Variants in UGT1A8 observed in about 807,000 individuals in gnomAD.
UGT1A8 encodes UDP-glucuronosyltransferase 1A8.
UGT1A8 carries 39 observed loss-of-function variants against 45.3 expected under a neutral mutation model. That is an observed-to-expected ratio of 0.86 (90% confidence interval 0.67 to 1.12). UGT1A8 has a LOEUF of 1.12. Ranked by LOEUF, UGT1A8 falls within the 50% of genes most tolerant of loss-of-function variation. UGT1A8 has a pLI of 0.00. For synonymous variants in UGT1A8, 275 were observed against 249.2 expected, an observed-to-expected ratio of 1.10 and a Z score of -0.97; for missense variants, 719 against 664.9, an observed-to-expected ratio of 1.08 and a Z score of -0.90.
intron 1 of UGT1A8, among the ~76,000 whole-genome samples, chr2:233,625,287 C>A (rs1002567225): frequency 1.3e-5 from 2 of 151,980 alleles, no homozygotes; most frequent in African/African-American, 4.8e-5. Context: ...AGTCAAGAAA[C>A]AATAGATGCT....
At chr2:233,754,354 C>G in intron 1 of UGT1A8, 1 of 263,180 alleles carries the variant, frequency 3.8e-6, no homozygotes, top group Admixed American at 5.0e-5. Flanking sequence ...AAATTGCATA[C>G]AGATATTTAC....
chr2:233,719,647 T>A, intron 1 of UGT1A8: 2 of 1,614,094 alleles, frequency 1.2e-6, no homozygotes, highest in South Asian at 2.2e-5. Flanking sequence ...ATGGTCTTCA[T>A]TGGGGGCATC....
chr2:233,646,560 A>G (rs1168445362), intron 1 of UGT1A8, among the ~76,000 whole-genome samples: 6 of 152,154 alleles, frequency 3.9e-5, no homozygotes, highest in Admixed American at 3.3e-4. Context: ...ACCCTAAATC[A>G]TCTTTCTAAG....
At chr2:233,718,777 C>T (rs1347368179) in intron 1 of UGT1A8, 10 of 1,612,914 alleles carry the variant, frequency 6.2e-6, no homozygotes, top group Non-Finnish European at 8.5e-6. Context: ...ATGTAGCAGG[C>T]ACAGCGTGGG....
intron 1 of UGT1A8, among the ~76,000 whole-genome samples, chr2:233,730,506 A>G (rs2078042097): frequency 6.6e-6 from 1 of 152,128 alleles, no homozygotes; most frequent in Non-Finnish European, 1.5e-5. Flanking sequence ...AGAGAGGTTG[A>G]CTCAGTGGAA....
chr2:233,762,200 T>G (rs1698000508), intron 1 of UGT1A8, among the ~76,000 whole-genome samples: 1 of 152,188 alleles, frequency 6.6e-6, no homozygotes, highest in African/African-American at 2.4e-5. Flanking sequence ...TGGGTCTGCA[T>G]GTATTTGGCG....
At chr2:233,729,301 G>A (rs2077833775) in intron 1 of UGT1A8, 3 of 1,614,148 alleles carry the variant, frequency 1.9e-6, no homozygotes, top group East Asian at 2.2e-5. Flanking sequence ...CCACCAGGCA[G>A]TGGTCCTCAC....
rs1575864217 is a variant in UGT1A8, at chr2:233,771,774, C to G, written c.1296-488C>G. On this transcript the variant is annotated intron_variant, in intron 4 of 4. Transcript: ENST00000373450. ...TCCCTTCCTTCCTCCGTCCCTCTCTCCTTTCCTCTCTCCCTCCCTCCCTCC... is the reference window on the plus strand; with the variant it reads ...TCCCTTCCTTCCTCCGTCCCTCTCTGCTTTCCTCTCTCCCTCCCTCCCTCC... Among the ~76,000 whole-genome samples the G allele has an allele frequency of 2.6e-5, 4 of 152,102 alleles. No individual in the cohort carries two copies. The South Asian group carries it at 8.4e-4, about 32-fold the overall frequency.
chr2:233,722,439 G>C (rs1180645142), intron 1 of UGT1A8, among the ~76,000 whole-genome samples: 1 of 152,066 alleles, frequency 6.6e-6, no homozygotes, highest in African/African-American at 2.4e-5. Context: ...TTATTTGATT[G>C]GTCTTCTCAA....
intron 1 of UGT1A8, among the ~76,000 whole-genome samples, chr2:233,735,934 C>T (rs2078711337): frequency 6.6e-6 from 1 of 152,038 alleles, no homozygotes; most frequent in South Asian, 2.1e-4. Context: ...TCTGTGGCTG[C>T]CCTTAACATT....
At chr2:233,753,552 A>G (rs1695233420) in intron 1 of UGT1A8, 1 of 152,146 alleles carries the variant, frequency 6.6e-6, no homozygotes, top group African/African-American at 2.4e-5. Context: ...CTCAGAGGTG[A>G]CCCTAGAAGA....
chr2:233,742,316 T>C lies in UGT1A8; in HGVS notation c.856-24718T>C, dbSNP rs962081179. On this transcript the variant is annotated intron_variant, in intron 1 of 4. Coordinates refer to ENST00000373450, the MANE Select transcript of UGT1A8 (RefSeq NM_019076.5). ...TTATAGATTAACTAAAAGTATTCCT[T>C]ACGGGAAACAAAGGGATGGGCTCTG... Among the ~76,000 whole-genome samples, 12 of 151,968 alleles carry C rather than the reference T, an allele frequency of 7.9e-5. 1 individual carries two copies. Among genetic ancestry groups the C allele is most frequent in the Admixed American group, 3.3e-4 (5 of 15,280 alleles).
chr2:233,643,269 T>G (rs1301760102), intron 1 of UGT1A8, among the ~76,000 whole-genome samples: 1 of 152,170 alleles, frequency 6.6e-6, no homozygotes, highest in Non-Finnish European at 1.5e-5. Flanking sequence ...AACCACAAGA[T>G]GCAGTCCTTC....
intron 1 of UGT1A8, among the ~76,000 whole-genome samples, chr2:233,750,335 T>C (rs1295665958): frequency 6.6e-6 from 1 of 151,930 alleles, no homozygotes; most frequent in Non-Finnish European, 1.5e-5. Context: ...TTCAGAGAGA[T>C]GATCTGAAAT....
chr2:233,631,466 G>A (rs1340307513), intron 1 of UGT1A8, among the ~76,000 whole-genome samples: 1 of 152,118 alleles, frequency 6.6e-6, no homozygotes, highest in Admixed American at 6.5e-5. Context: ...CAGCATAAAA[G>A]CGTTCCTATT....
intron 1 of UGT1A8, among the ~76,000 whole-genome samples, chr2:233,625,542 A>C (rs1051283871): frequency 2.0e-5 from 3 of 152,086 alleles, no homozygotes; most frequent in Non-Finnish European, 4.4e-5. Context: ...AAATCAACCT[A>C]GGTGCCTGTC....
intron 1 of UGT1A8, among the ~76,000 whole-genome samples, chr2:233,737,472 C>A (rs1374146427): frequency 6.6e-6 from 1 of 152,196 alleles, no homozygotes; most frequent in Non-Finnish European, 1.5e-5. Flanking sequence ...CATGGCTCCC[C>A]TTGTCTAGGA....
chr2:233,634,124 T>C (rs1009976604), intron 1 of UGT1A8, among the ~76,000 whole-genome samples: 3 of 152,218 alleles, frequency 2.0e-5, no homozygotes, highest in African/African-American at 7.2e-5. Flanking sequence ...CAGTTTTGAG[T>C]GAGTTTCTTA....
At chr2:233,704,656 C>A (rs1490809215) in intron 1 of UGT1A8, among the ~76,000 whole-genome samples, 3 of 151,996 alleles carry the variant, frequency 2.0e-5, no homozygotes, top group Non-Finnish European at 2.9e-5. Flanking sequence ...ATTTTTGGTT[C>A]TTTTCCTTTG....
Sources: gnomAD v4.1 joint callset for allele counts (sites outside exome capture counted in the v4.1 genomes callset) on GRCh38, gnomAD v4.1.1 for gene constraint, MANE v1.5 for transcripts, NCBI Gene and HGNC (gene_info 2026-07-23, HGNC 2026-07-21) for gene names.